Variants in NRXN3 observed in about 807,000 individuals in gnomAD.
NRXN3 encodes neurexin 3, also known as neurexin III.
In NRXN3, 32 loss-of-function variants were observed where a neutral mutation model predicts 137.6. The ratio of observed to expected loss-of-function variants is 0.23; its 90% CI spans 0.18 to 0.31. NRXN3 has a LOEUF of 0.31. Among genes scored for constraint, NRXN3 ranks in the 10% least tolerant of loss-of-function variants. The pLI is 1.00. For synonymous variants in NRXN3, 798 were observed against 784.5 expected (o/e 1.02, Z -0.29); for missense variants, 1,574 against 2,062.5 (o/e 0.76, Z 4.59).
At chr14:79,740,199 T>A (rs2098956197) in intron 19 of NRXN3, among the ~76,000 whole-genome samples, 2 of 152,078 alleles carry the variant, frequency 1.3e-5, no homozygotes, top group South Asian at 4.1e-4. Flanking sequence ...TTTCTTCTCT[T>A]CTCCTTTTAT....
intron 15 of NRXN3, among the ~76,000 whole-genome samples, chr14:79,033,439 G>A (rs1243509790): frequency 2.0e-5 from 3 of 152,082 alleles, no homozygotes; most frequent in African/African-American, 7.2e-5. Context: ...ATATCTGCAT[G>A]TTAGAGGCTT....
At chr14:78,714,732 C>A in intron 7 of NRXN3, 24 bp from the exon 8 acceptor site, 1 of 1,605,372 alleles carries the variant, frequency 6.2e-7, no homozygotes, top group Non-Finnish European at 8.5e-7. Flanking sequence ...GCAGACTCAC[C>A]TGAGATCTGT....
intron 15 of NRXN3, among the ~76,000 whole-genome samples, chr14:79,340,187 GT>G (rs2092524434): frequency 1.3e-5 from 2 of 149,704 alleles, no homozygotes; most frequent in African/African-American, 2.4e-5. Context: ...GTGTGTGTGT[GT>G]GTATGTGTGT....
At chr14:78,876,598 G>A (rs2099114418) in intron 10 of NRXN3, among the ~76,000 whole-genome samples, 1 of 152,168 alleles carries the variant, frequency 6.6e-6, no homozygotes, top group Admixed American at 6.6e-5. Context: ...TTCTTTACTT[G>A]TAGGACTTAT....
intron 16 of NRXN3, among the ~76,000 whole-genome samples, chr14:79,616,441 C>A (rs2098156933): frequency 6.6e-6 from 1 of 151,852 alleles, no homozygotes; most frequent in South Asian, 2.1e-4. Context: ...AATTAGGAAG[C>A]AAGGAAAAGG....
intron 15 of NRXN3, among the ~76,000 whole-genome samples, chr14:79,065,357 G>C (rs1363267841): frequency 6.6e-6 from 1 of 152,076 alleles, no homozygotes; most frequent in Non-Finnish European, 1.5e-5. Flanking sequence ...CTTCATAAAG[G>C]CATGGAATAG....
At position 79,861,102 on chromosome 14, in the gene NRXN3, G is replaced by A. The variant is rs747991755; in HGVS notation, c.4094-240G>A. 2.2e-5 allele frequency: 32 copies of A among 1,455,464 alleles called. No homozygotes were observed. The highest frequency in any genetic ancestry group is 2.8e-5 in the African/African-American group (2 of 70,176). 90.2% of individuals were successfully genotyped at this position (1,455,464 alleles called of 1,614,324 possible). ...TTAGCTACCCCTCCTATTGCTACTC[G>A]TGCACCTTCCATTACACTCCCCCCT... is the stretch of plus-strand genomic sequence containing the variant. On this transcript the variant is annotated intron_variant, in intron 20 of 20. Coordinates refer to ENST00000335750, the MANE Select transcript of NRXN3 (RefSeq NM_001330195.2). This position sits in a 1 kb window ranked among gnomAD's most constrained non-coding sequence, Gnocchi z 5.4.
intron 6 of NRXN3, among the ~76,000 whole-genome samples, chr14:78,686,429 T>A (rs902290837): frequency 5.3e-5 from 8 of 152,314 alleles, no homozygotes; most frequent in Non-Finnish European, 7.4e-5. Flanking sequence ...AGATGGAAAT[T>A]GCCATTAATT....
chr14:78,521,792 T>A (rs919556352), intron 4 of NRXN3, among the ~76,000 whole-genome samples: 29 of 151,990 alleles, frequency 1.9e-4, no homozygotes, highest in Admixed American at 3.3e-4. Context: ...TGATGAAATT[T>A]AAAAAAAACC....
At chr14:78,645,577 T>G in intron 5 of NRXN3, 156 bp downstream of exon 5, 1 of 573,070 alleles carries the variant, frequency 1.7e-6, no homozygotes, top group Non-Finnish European at 2.9e-6. Context: ...CAATTTCACG[T>G]GGAAAATTAT....
At chr14:78,234,119 C>G (rs1054332352) in intron 1 of NRXN3, among the ~76,000 whole-genome samples, 3 of 152,198 alleles carry the variant, frequency 2.0e-5, no homozygotes, top group African/African-American at 7.2e-5. Flanking sequence ...TGTAAGATGT[C>G]CCTTTGCTCT....
chr14:78,964,534 T>G (rs2099413868), intron 11 of NRXN3, among the ~76,000 whole-genome samples: 1 of 152,250 alleles, frequency 6.6e-6, no homozygotes, highest in Non-Finnish European at 1.5e-5. Context: ...TTTCTGATTA[T>G]GTCACTTCTT....
intron 15 of NRXN3, among the ~76,000 whole-genome samples, chr14:79,253,405 A>G (rs1418247061): frequency 6.6e-6 from 1 of 152,214 alleles, no homozygotes; most frequent in African/African-American, 2.4e-5. Flanking sequence ...GAGGCTAGAA[A>G]TCTGACATAT....
At chr14:78,786,065 A>G (rs550296038) in intron 8 of NRXN3, among the ~76,000 whole-genome samples, 26 of 152,270 alleles carry the variant, frequency 1.7e-4, no homozygotes, top group Admixed American at 5.2e-4. Context: ...TCAGGCTAAT[A>G]AGGTTACTTC....
intron 20 of NRXN3, among the ~76,000 whole-genome samples, chr14:79,806,956 A>ATTTTT (rs2099208929): frequency 1.6e-5 from 1 of 64,062 alleles, no homozygotes; most frequent in Admixed American, 2.1e-4. Flanking sequence ...ATATATATAT[A>ATTTTT]TATATATTTT....
intron 15 of NRXN3, among the ~76,000 whole-genome samples, chr14:79,040,754 C>T (rs1595262888): frequency 6.6e-6 from 1 of 152,132 alleles, no homozygotes; most frequent in Admixed American, 6.6e-5. Context: ...GTCTCATGTG[C>T]ATAAGGTGTG....
intron 20 of NRXN3, among the ~76,000 whole-genome samples, chr14:79,846,917 C>T (rs749570933): frequency 1.1e-4 from 16 of 152,182 alleles, no homozygotes; most frequent in Non-Finnish European, 1.5e-4. Context: ...CCACACTAGC[C>T]TATAGCTTTA....
At chr14:79,249,988 T>G (rs936604) in intron 15 of NRXN3, among the ~76,000 whole-genome samples, 1 of 152,226 alleles carries the variant, frequency 6.6e-6, no homozygotes, top group African/African-American at 2.4e-5. Flanking sequence ...AAAATGGTGC[T>G]TATGCACTAA....
chr14:78,605,995 A>G (rs938405840), intron 4 of NRXN3, among the ~76,000 whole-genome samples: 6 of 152,154 alleles, frequency 3.9e-5, no homozygotes, highest in African/African-American at 1.4e-4. Context: ...ATGTGTGAAG[A>G]AGGATAGATG....
Sources: gnomAD v4.1 joint callset for allele counts (sites outside exome capture counted in the v4.1 genomes callset) on GRCh38, gnomAD v4.1.1 for gene constraint, Gnocchi (gnomAD v3.1) non-coding constraint, MANE v1.5 for transcripts, NCBI Gene and HGNC (gene_info 2026-07-23, HGNC 2026-07-21) for gene names.